MARCHF7: variants seen among roughly 807,000 people sequenced by gnomAD.
MARCHF7 encodes the protein E3 ubiquitin-protein ligase MARCHF7.
MARCHF7 carries 20 observed loss-of-function variants against 76.5 expected under a neutral mutation model. The ratio of observed to expected loss-of-function variants is 0.26; its 90% confidence interval spans 0.18 to 0.38. The LOEUF is 0.38. Ranked by LOEUF, MARCHF7 falls within the 10% of genes least tolerant of loss-of-function variation. The probability of loss-of-function intolerance (pLI) is 1.00; values close to 1 mark genes in which losing one functional copy is unlikely to be tolerated. For missense variants in MARCHF7, 797 were observed against 812.9 expected, an observed-to-expected ratio of 0.98 and a Z score of 0.24; for synonymous variants, 295 against 293.0, an observed-to-expected ratio of 1.01 and a Z score of -0.07.
chr2:159,744,892 C>G (rs1323991660), intron 5 of MARCHF7, among the ~76,000 whole-genome samples: 1 of 152,158 alleles, frequency 6.6e-6, no homozygotes, highest in Admixed American at 6.5e-5. Context: ...AGGTTTGAGA[C>G]TTAATGTTTA....
intron 4 of MARCHF7, among the ~76,000 whole-genome samples, chr2:159,734,324 T>C (rs1220149457): frequency 1.6e-5 from 1 of 62,696 alleles, no homozygotes; most frequent in Non-Finnish European, 3.6e-5. Flanking sequence ...TATTGATACC[T>C]TTTTTTTTTT....
chr2:159,736,016 T>C (rs1703412101), intron 4 of MARCHF7, among the ~76,000 whole-genome samples: 1 of 152,098 alleles, frequency 6.6e-6, no homozygotes, highest in Non-Finnish European at 1.5e-5. Context: ...AGTCCTAACT[T>C]TTTGGGAGGC....
At chr2:159,760,960 A>AT (rs1706979255) in intron 9 of MARCHF7, among the ~76,000 whole-genome samples, 1 of 151,678 alleles carries the variant, frequency 6.6e-6, no homozygotes, top group Non-Finnish European at 1.5e-5. Flanking sequence ...ATTTTAAGTG[A>AT]TTAGTTTAAT....
intron 3 of MARCHF7, among the ~76,000 whole-genome samples, chr2:159,718,483 C>A (rs955555843): frequency 2.0e-5 from 3 of 152,032 alleles, no homozygotes; most frequent in African/African-American, 7.2e-5. Context: ...TTGACAGATA[C>A]CTGATCAAGG....
chr2:159,721,211 C>G (rs1701607034), intron 3 of MARCHF7, among the ~76,000 whole-genome samples: 1 of 152,026 alleles, frequency 6.6e-6, no homozygotes, highest in Admixed American at 6.5e-5. Context: ...TGGAGTCCAC[C>G]TTATTGTGAG....
In MARCHF7 at chr2:159,748,272, A is replaced by T. The variant is rs758917188; in HGVS notation, c.982A>T (p.Ser328Cys). The change falls in exon 7 of 12, where the codon AGT (serine) becomes TGT (cysteine). Residue 328 changes from serine (S) to cysteine (C), a missense_variant. Ser to Cys is a moderately radical substitution (Grantham distance 112). Transcript: ENST00000409175. The stretch of plus-strand genomic sequence containing the variant: ...AATCTTGACAGCTTCACAGTCCCGT[A>T]GTAATGTACCATCAGCTTCTGAAGT... ...PRILTASQSR[S>C]NVPSASEVPD... The T allele has an allele frequency of 3.1e-6, 5 of 1,613,658 alleles. No homozygotes were observed. Among genetic ancestry groups the T allele is most frequent in the Non-Finnish European group, 3.4e-6 (4 of 1,179,996 alleles).
intron 8 of MARCHF7, among the ~76,000 whole-genome samples, chr2:159,758,055 T>A (rs1706553932): frequency 6.6e-6 from 1 of 152,208 alleles, no homozygotes; most frequent in Non-Finnish European, 1.5e-5. Flanking sequence ...TACTACTTAA[T>A]CTTTTTTGAA....
chr2:159,757,235 A>G (rs1413428839), intron 8 of MARCHF7, among the ~76,000 whole-genome samples: 1 of 152,126 alleles, frequency 6.6e-6, no homozygotes, highest in Non-Finnish European at 1.5e-5. Context: ...AGTGCTTTTC[A>G]AGATATGGCC....
In MARCHF7 at chr2:159,743,273, G is replaced by T; in HGVS notation, c.346+20G>T. On this transcript the variant is annotated intron_variant, in intron 5 of 11. Coordinates refer to ENST00000409175, the MANE Select transcript of MARCHF7 (RefSeq NM_001282805.2). ...TATCAGGTAAGAATGAGTTTCTGTA[G>T]GTATTTTAAGCCGTTTTTCTCCAGG... 6.3e-7 allele frequency: 1 copy of T among 1,599,504 alleles called. No individual in the cohort carries two copies. The highest frequency in any genetic ancestry group is 1.1e-5 in the South Asian group (1 of 89,550).
chr2:159,728,381 C>A (rs1298106190), intron 3 of MARCHF7, among the ~76,000 whole-genome samples: 1 of 152,082 alleles, frequency 6.6e-6, no homozygotes, highest in African/African-American at 2.4e-5. Context: ...TTATTGAGTA[C>A]CTATTGTATC....
chr2:159,745,060 C>T lies in MARCHF7; in HGVS notation c.347-710C>T, dbSNP rs116014127. ...GTTCACATCTTCCCTTTCCGGATGC[C>T]TTTGATTTTGATACTGGCAGTTCTC... On this transcript the variant is annotated intron_variant, in intron 5 of 11. Transcript: ENST00000409175. Among the ~76,000 whole-genome samples, 675 of 152,208 alleles carry T rather than the reference C, an allele frequency of 4.4e-3. 2 individuals carry two copies. The highest frequency in any genetic ancestry group is 0.015 in the African/African-American group (637 of 41,526).
chr2:159,719,233 A>G (rs1701362622), intron 3 of MARCHF7, among the ~76,000 whole-genome samples: 1 of 151,948 alleles, frequency 6.6e-6, no homozygotes, highest in Non-Finnish European at 1.5e-5. Flanking sequence ...TTTTGTAGAG[A>G]CGGGGTGTCA....
chr2:159,764,211 TTTG>T (rs1408008772), intron 10 of MARCHF7, among the ~76,000 whole-genome samples: 1 of 104,628 alleles, frequency 9.6e-6, no homozygotes, highest in Admixed American at 1.2e-4. Context: ...TCTTGGGAGT[TTTG>T]TGTGTGTGTG....
chr2:159,743,387 C>G (rs1704381184), intron 5 of MARCHF7, 134 bp downstream of exon 5: 1 of 760,868 alleles, frequency 1.3e-6, no homozygotes, highest in African/African-American at 1.8e-5. Flanking sequence ...TTTCCAAAAT[C>G]TTACTTTAAA....
intron 10 of MARCHF7, among the ~76,000 whole-genome samples, chr2:159,764,209 G>GTT (rs904348002): frequency 1.8e-5 from 2 of 113,054 alleles, no homozygotes; most frequent in African/African-American, 6.9e-5. Flanking sequence ...GTTCTTGGGA[G>GTT]TTTTGTGTGT....
Position 159,745,918 on chromosome 2 carries a change from T to G in MARCHF7, c.495T>G (p.Gly165=). Residue 165 remains glycine (G), a synonymous_variant, in exon 6 of 12, where the codon GGT becomes GGG. Coordinates refer to ENST00000409175, the MANE Select transcript of MARCHF7 (RefSeq NM_001282805.2). ...TTATGGATTATAGTCACCGAAGTGGTGATTTCACAACTTCATCATGTATGT... is the reference window on the plus strand; with the variant it reads ...TTATGGATTATAGTCACCGAAGTGGGGATTTCACAACTTCATCATGTATGT... ...SNLMDYSHRS[G]DFTTSSYVQD... is the part of the protein sequence containing the mutation. 5 of 1,609,632 alleles carry G rather than the reference T, an allele frequency of 3.1e-6. No individual in the cohort carries two copies. The highest frequency in any genetic ancestry group is 3.4e-6 in the Non-Finnish European group (4 of 1,178,594).
intron 5 of MARCHF7, among the ~76,000 whole-genome samples, 157 bp from the exon 6 acceptor site, chr2:159,745,613 G>A (rs559134509): frequency 6.6e-6 from 1 of 152,282 alleles, no homozygotes; most frequent in Admixed American, 6.5e-5. Context: ...CTGAGATCGT[G>A]CCACTACACT....
At chr2:159,738,363 G>GT (rs1036022732) in intron 4 of MARCHF7, among the ~76,000 whole-genome samples, 3 of 152,220 alleles carry the variant, frequency 2.0e-5, no homozygotes, top group African/African-American at 7.2e-5. Context: ...AGCATGGTGA[G>GT]TGGGGGGTAG....
At chr2:159,738,275 T>C (rs1459753582) in intron 4 of MARCHF7, among the ~76,000 whole-genome samples, 2 of 151,982 alleles carry the variant, frequency 1.3e-5, no homozygotes, top group Non-Finnish European at 2.9e-5. Context: ...CCCAAAGAGG[T>C]TGTCACAGCC....
Sources: allele counts gnomAD v4.1 joint callset (sites outside exome capture counted in the v4.1 genomes callset), GRCh38; gene constraint gnomAD v4.1.1; transcripts MANE v1.5; gene names NCBI Gene and HGNC (gene_info 2026-07-23, HGNC 2026-07-21).